CUL1: variants seen among roughly 807,000 people sequenced by gnomAD.
The protein encoded by CUL1 is cullin-1.
CUL1 carries 24 observed loss-of-function variants against 118.0 expected under a neutral mutation model. That is an observed-to-expected ratio of 0.20 (90% CI 0.15 to 0.29). The LOEUF (loss-of-function observed/expected upper bound fraction) is 0.29, where lower values mean the gene tolerates loss of function less well. Ranked by LOEUF, CUL1 falls within the 10% of genes least tolerant of loss-of-function variation. The probability of loss-of-function intolerance (pLI) is 1.00; values close to 1 mark genes in which losing one functional copy is unlikely to be tolerated. For synonymous variants in CUL1, 332 were observed against 340.4 expected, an observed-to-expected ratio of 0.98 and a Z score of 0.27; for missense variants, 361 against 933.8, an observed-to-expected ratio of 0.39 and a Z score of 7.99.
At chr7:148,726,331 C>G (rs1798581773) in intron 1 of CUL1, among the ~76,000 whole-genome samples, 2 of 151,580 alleles carry the variant, frequency 1.3e-5, no homozygotes, top group South Asian at 4.1e-4. Flanking sequence ...TTGACTTTAT[C>G]TTTTAAATTG....
chr7:148,778,365 G>A (rs73745372), intron 9 of CUL1, among the ~76,000 whole-genome samples: 3,565 of 152,210 alleles, frequency 0.023, 127 homozygotes, highest in African/African-American at 0.082. Flanking sequence ...ACTGGTAGTG[G>A]TGGGAACCTC....
intron 11 of CUL1, among the ~76,000 whole-genome samples, chr7:148,784,577 T>G (rs1468056213): frequency 1.3e-5 from 2 of 152,236 alleles, no homozygotes; most frequent in Non-Finnish European, 2.9e-5. Flanking sequence ...TTTGAAGTTC[T>G]CATTGAGTTT....
chr7:148,771,791 G>T (rs1250469130), intron 9 of CUL1, among the ~76,000 whole-genome samples: 1 of 152,134 alleles, frequency 6.6e-6, no homozygotes, highest in Non-Finnish European at 1.5e-5. Flanking sequence ...CATGATTGCT[G>T]GCCCAGGAAC....
At chr7:148,780,881 C>CT (rs1277385819) in intron 9 of CUL1, among the ~76,000 whole-genome samples, 1 of 152,138 alleles carries the variant, frequency 6.6e-6, no homozygotes, top group Non-Finnish European at 1.5e-5. Context: ...TCTCTCCTCT[C>CT]TGTTTTATAA....
At chr7:148,698,156 C>G (rs945959099), upstream of CUL1, 3 of 152,244 alleles carry the variant, frequency 2.0e-5, no homozygotes, top group Non-Finnish European at 4.4e-5. Context: ...GTAAGGGGGT[C>G]GAGAATTGGC....
In CUL1 at chr7:148,769,027, A is replaced by T. The variant is rs140004278; in HGVS notation, c.1083+1278A>T. Among the ~76,000 whole-genome samples, 667 of 152,228 alleles carry T rather than the reference A, an allele frequency of 4.4e-3. 8 individuals carry two copies. The highest frequency in any genetic ancestry group is 0.015 in the African/African-American group (622 of 41,538). ...GGTTTTAGTAAAAACTTAAGTACAG[A>T]GTCCTCAGTGTCGGCACATACAGTG... is the stretch of plus-strand genomic sequence containing the variant. On this transcript the variant is annotated intron_variant, in intron 9 of 21. Coordinates refer to ENST00000325222, the MANE Select transcript of CUL1 (RefSeq NM_003592.3).
At chr7:148,768,660 C>T (rs1356941749) in intron 9 of CUL1, among the ~76,000 whole-genome samples, 1 of 152,142 alleles carries the variant, frequency 6.6e-6, no homozygotes, top group Non-Finnish European at 1.5e-5. Flanking sequence ...GCTGAGATTA[C>T]AGGCGTGAGT....
intron 1 of CUL1, among the ~76,000 whole-genome samples, chr7:148,708,172 G>T (rs553976378): frequency 6.6e-6 from 1 of 152,050 alleles, no homozygotes; most frequent in Non-Finnish European, 1.5e-5. Context: ...GTTTTTTCAG[G>T]TTAAGCAATT....
intron 9 of CUL1, among the ~76,000 whole-genome samples, chr7:148,773,479 C>T (rs573462072): frequency 1.3e-5 from 2 of 152,260 alleles, no homozygotes; most frequent in South Asian, 4.1e-4. Flanking sequence ...TCCTGTGCTT[C>T]CTGTCACTGC....
At chr7:148,796,725 T>A (rs893780935) in intron 17 of CUL1, among the ~76,000 whole-genome samples, 1 of 152,146 alleles carries the variant, frequency 6.6e-6, no homozygotes, top group Non-Finnish European at 1.5e-5. Context: ...GTTCTCAGTG[T>A]TAGAACTCCC....
intron 2 of CUL1, among the ~76,000 whole-genome samples, chr7:148,750,158 G>A (rs915000406): frequency 2.6e-5 from 4 of 152,238 alleles, no homozygotes; most frequent in African/African-American, 9.6e-5. Flanking sequence ...AGTAGTGCAA[G>A]GTGAAGCAGC....
At chr7:148,757,531 G>A (rs1174408007) in intron 4 of CUL1, among the ~76,000 whole-genome samples, 1 of 152,156 alleles carries the variant, frequency 6.6e-6, no homozygotes, top group Non-Finnish European at 1.5e-5. Context: ...GCCCTCCCAT[G>A]CTTTAGAGTC....
At chr7:148,755,509 GA>G (rs1799626587) in intron 3 of CUL1, among the ~76,000 whole-genome samples, 1 of 152,190 alleles carries the variant, frequency 6.6e-6, no homozygotes, top group Non-Finnish European at 1.5e-5. Context: ...CATAAGTTGT[GA>G]CTAGTGTATT....
At position 148,701,148 on chromosome 7, in the gene CUL1, T is replaced by A. The variant is rs565855742; in HGVS notation, c.-162+2119T>A. Reference sequence around the variant, plus strand: ...GTTGTGGTGGTGCCTCAGTTGCTTTTTTTTAATGAATGAGTTTTCTGGAAT... The same window carrying A: ...GTTGTGGTGGTGCCTCAGTTGCTTTATTTTAATGAATGAGTTTTCTGGAAT... On this transcript the variant is annotated intron_variant, in intron 1 of 21. Coordinates refer to ENST00000325222, the MANE Select transcript of CUL1 (RefSeq NM_003592.3). 1.8e-4 allele frequency among the ~76,000 whole-genome samples: 28 copies of A among 151,778 alleles called. 1 individual carries two copies. In the South Asian group the frequency reaches 5.7e-3, roughly 31 times the overall value.
chr7:148,708,180 A>G (rs1236459279), intron 1 of CUL1, among the ~76,000 whole-genome samples: 1 of 152,194 alleles, frequency 6.6e-6, no homozygotes, highest in East Asian at 1.9e-4. Flanking sequence ...AGGTTAAGCA[A>G]TTCTCAGCAA....
intron 16 of CUL1, among the ~76,000 whole-genome samples, chr7:148,791,774 A>T (rs1242416166): frequency 6.6e-6 from 1 of 152,272 alleles, no homozygotes; most frequent in Non-Finnish European, 1.5e-5. Flanking sequence ...GTCATGGGTC[A>T]TTACTTGTTG....
intron 3 of CUL1, 79 bp from the exon 4 acceptor site, chr7:148,756,904 G>A (rs75963698): frequency 0.017 from 15,948 of 964,914 alleles, 178 homozygotes; most frequent in Non-Finnish European, 0.02. Context: ...TTTTAATACA[G>A]TAGATGTTAT....
chr7:148,710,753 G>A (rs959922769), intron 1 of CUL1, among the ~76,000 whole-genome samples: 1 of 151,746 alleles, frequency 6.6e-6, no homozygotes, highest in Non-Finnish European at 1.5e-5. Flanking sequence ...CCGCCTTCTG[G>A]TTGGTTTTCA....
intron 2 of CUL1, among the ~76,000 whole-genome samples, chr7:148,737,781 A>G (rs1316059717): frequency 6.6e-6 from 1 of 151,638 alleles, no homozygotes; most frequent in African/African-American, 2.4e-5. Flanking sequence ...TTGTATTTTT[A>G]GTAGATACGG....
Sources: allele counts gnomAD v4.1 joint callset (sites outside exome capture counted in the v4.1 genomes callset), GRCh38; gene constraint gnomAD v4.1.1; transcripts MANE v1.5; gene names NCBI Gene and HGNC (gene_info 2026-07-23, HGNC 2026-07-21).